Variants in RARB observed in about 807,000 individuals in gnomAD.
RARB encodes retinoic acid receptor beta.
In RARB, 17 loss-of-function variants were observed where a neutral mutation model predicts 51.9. The ratio of observed to expected loss-of-function variants is 0.33; its 90% CI spans 0.22 to 0.49. The LOEUF is 0.49. RARB is among the 20% of genes least tolerant of loss of function. The probability of loss-of-function intolerance (pLI) is 0.99; values close to 1 mark genes in which losing one functional copy is unlikely to be tolerated. For synonymous variants in RARB, 215 were observed against 195.4 expected, an observed-to-expected ratio of 1.10 and a Z score of -0.84; for missense variants, 369 against 550.8, an observed-to-expected ratio of 0.67 and a Z score of 3.30.
chr3:25,464,481 A>G (rs1227058943), intron 2 of RARB, among the ~76,000 whole-genome samples: 1 of 152,176 alleles, frequency 6.6e-6, no homozygotes, highest in Non-Finnish European at 1.5e-5. Context: ...TTCGGCAGCC[A>G]GTTGAATTTG....
intron 2 of RARB, among the ~76,000 whole-genome samples, chr3:24,868,323 T>C (rs535435323): frequency 1.1e-3 from 161 of 152,286 alleles, no homozygotes; most frequent in African/African-American, 3.7e-3. Context: ...GTACAAATGA[T>C]GCCAAACTTA....
At chr3:25,120,878 A>T (rs1051714269) in intron 3 of RARB, among the ~76,000 whole-genome samples, 2 of 152,152 alleles carry the variant, frequency 1.3e-5, no homozygotes, top group Non-Finnish European at 2.9e-5. Context: ...CGTCATTGAC[A>T]TATTGTCTAT....
Position 25,367,412 on chromosome 3 carries a change from G to C in RARB, c.179-93781G>C, listed in dbSNP as rs563686446. On this transcript the variant is annotated intron_variant, in intron 5 of 11. Transcript: ENST00000383772. ...TGGACATACCTTAACTTAAAAGATG[G>C]TATGTCTGCTTTTATATGCTTTGGC... 1.3e-4 allele frequency among the ~76,000 whole-genome samples: 20 copies of C among 152,178 alleles called. No individual in the cohort carries two copies. The South Asian group carries it at 4.2e-3, about 32-fold the overall frequency.
intron 2 of RARB, among the ~76,000 whole-genome samples, chr3:24,925,673 AG>A (rs1397154770): frequency 5.3e-5 from 8 of 149,650 alleles, no homozygotes; most frequent in Admixed American, 4.0e-4. Flanking sequence ...AAAAAAAAAA[AG>A]CTTATATTCA....
At position 25,016,349 on chromosome 3, in the gene RARB, T is replaced by C. The variant is rs995630454; in HGVS notation, c.-379-43776T>C. Among the ~76,000 whole-genome samples the C allele has an allele frequency of 2.6e-5, 4 of 152,308 alleles. No homozygotes were observed. The East Asian group carries it at 7.7e-4, about 29-fold the overall frequency. On this transcript the variant is annotated intron_variant, in intron 2 of 11. Transcript: ENST00000383772. ...TAAGGTTTTGGGCAGAATAATACTT[T>C]GTTGTGAGAGGCTGCCCTGCAGACT...
chr3:25,218,296 C>T (rs1553644590), intron 5 of RARB, among the ~76,000 whole-genome samples: 2 of 151,982 alleles, frequency 1.3e-5, no homozygotes, highest in Non-Finnish European at 1.5e-5. Flanking sequence ...GCGCCCCCAC[C>T]CAGTGTGTGT....
chr3:24,832,650 TAA>T (rs1491348195), intron 1 of RARB, among the ~76,000 whole-genome samples: 1 of 138,974 alleles, frequency 7.2e-6, no homozygotes, highest in African/African-American at 2.7e-5. Context: ...TATATATATA[TAA>T]TGTCAATTAA....
intron 5 of RARB, among the ~76,000 whole-genome samples, chr3:25,183,781 G>GT (rs1368580534): frequency 1.3e-5 from 2 of 152,118 alleles, no homozygotes; most frequent in African/African-American, 4.8e-5. Flanking sequence ...CAGTCAAATT[G>GT]TAACGATTCC....
intron 2 of RARB, among the ~76,000 whole-genome samples, chr3:25,476,463 C>T (rs1235500118): frequency 6.6e-6 from 1 of 152,122 alleles, no homozygotes; most frequent in South Asian, 2.1e-4. Context: ...TTTTTACACT[C>T]CATTCTCTGC....
chr3:25,103,536 C>T (rs1307500594), intron 3 of RARB, among the ~76,000 whole-genome samples: 2 of 152,144 alleles, frequency 1.3e-5, no homozygotes, highest in African/African-American at 4.8e-5. Flanking sequence ...CGTACTAATT[C>T]AAGAACAGAT....
At chr3:25,324,714 T>G (rs1561116) in intron 5 of RARB, 30,752 of 153,966 alleles carry the variant, frequency 0.2, 3,338 homozygotes, top group African/African-American at 0.28. Context: ...AGGGATTCCA[T>G]GCTGCCCTAT....
At chr3:25,596,143 G>A (rs1054717205) in intron 7 of RARB, among the ~76,000 whole-genome samples, 2 of 152,190 alleles carry the variant, frequency 1.3e-5, no homozygotes, top group Non-Finnish European at 2.9e-5. Flanking sequence ...TGAGCTGGTT[G>A]AGAACCCAAT....
chr3:25,421,469 T>C (rs553069791), intron 5 of RARB, among the ~76,000 whole-genome samples: 12 of 139,632 alleles, frequency 8.6e-5, no homozygotes, highest in African/African-American at 3.1e-4. Context: ...TGGAGTGCAG[T>C]GGTGCAATCT....
intron 4 of RARB, among the ~76,000 whole-genome samples, chr3:25,576,739 G>A (rs3821634): frequency 0.25 from 37,406 of 151,886 alleles, 5,246 homozygotes; most frequent in African/African-American, 0.39. Context: ...CTAGCCACAG[G>A]CTGCACCATG....
intron 2 of RARB, among the ~76,000 whole-genome samples, chr3:25,048,347 T>C (rs933705918): frequency 2.0e-5 from 3 of 152,242 alleles, no homozygotes; most frequent in Non-Finnish European, 4.4e-5. Context: ...CCTTGATTTA[T>C]GTTTTGTGTA....
intron 5 of RARB, among the ~76,000 whole-genome samples, chr3:25,205,653 GTATGCC>G (rs752589981): frequency 4.7e-4 from 71 of 152,184 alleles, no homozygotes; most frequent in Non-Finnish European, 8.1e-4. Context: ...ATTATGCACT[GTATGCC>G]CATATCAAAA....
intron 3 of RARB, among the ~76,000 whole-genome samples, chr3:25,560,312 G>C (rs1411701093): frequency 6.6e-6 from 1 of 152,172 alleles, no homozygotes; most frequent in African/African-American, 2.4e-5. Context: ...TCTACATGTA[G>C]ACCATTTCTC....
intron 1 of RARB, among the ~76,000 whole-genome samples, chr3:25,449,757 T>C (rs1709107427): frequency 3.2e-5 from 1 of 31,586 alleles, no homozygotes; most frequent in African/African-American, 1.8e-4. Flanking sequence ...TCTCTCTCTC[T>C]TTTTTTTTTT....
intron 2 of RARB, among the ~76,000 whole-genome samples, chr3:25,464,446 T>A (rs1695333694): frequency 6.6e-6 from 1 of 152,188 alleles, no homozygotes; most frequent in Admixed American, 6.5e-5. Context: ...TTAACAGAGC[T>A]ATAAACCCAA....
Sources: gnomAD v4.1 joint callset for allele counts (sites outside exome capture counted in the v4.1 genomes callset) on GRCh38, gnomAD v4.1.1 for gene constraint, MANE v1.5 for transcripts, NCBI Gene and HGNC (gene_info 2026-07-23, HGNC 2026-07-21) for gene names.